Variants in TENM3 observed in about 807,000 individuals in gnomAD.
The protein encoded by TENM3 is teneurin-3.
A neutral mutation model predicts 255.1 loss-of-function variants in TENM3; 63 were observed. The observed-to-expected ratio is 0.25, with a 90% CI of 0.20 to 0.30. TENM3 has a LOEUF of 0.30. Among genes scored for constraint, TENM3 ranks in the 10% least tolerant of loss-of-function variants. The probability of loss-of-function intolerance (pLI) is 1.00; values close to 1 mark genes in which losing one functional copy is unlikely to be tolerated. For synonymous variants in TENM3, 1,306 were observed against 1,322.3 expected (o/e 0.99, Z 0.27); for missense variants, 2,929 against 3,461.1 (o/e 0.85, Z 3.86).
At chr4:182,214,298 A>C (rs1755287629) in intron 1 of TENM3, among the ~76,000 whole-genome samples, 1 of 152,142 alleles carries the variant, frequency 6.6e-6, no homozygotes, top group African/African-American at 2.4e-5. Flanking sequence ...AAAGCGAAAT[A>C]AATTTAACTG....
chr4:181,551,052 G>T, the TENM3 span, among the ~76,000 whole-genome samples: 1 of 152,110 alleles, frequency 6.6e-6, no homozygotes, highest in Non-Finnish European at 1.5e-5. Context: ...CACCTTGATG[G>T]ATTTTACAAC....
Position 182,264,827 on chromosome 4 carries a change from G to A in TENM3, c.-76+21351G>A, listed in dbSNP as rs186664880. 2.6e-5 allele frequency among the ~76,000 whole-genome samples: 4 copies of A among 152,096 alleles called. No individual in the cohort carries two copies. The East Asian group carries it at 7.7e-4, about 29-fold the overall frequency. ...GGATTTCTTTTTTAAAGAGCACTAT[G>A]GTTAAAAGTCAGCTTAATTAGAAGT... On this transcript the variant is annotated intron_variant, in intron 1 of 27. Transcript: ENST00000511685.
At chr4:181,556,631 C>T in the TENM3 span, among the ~76,000 whole-genome samples, 1 of 152,000 alleles carries the variant, frequency 6.6e-6, no homozygotes, top group Non-Finnish European at 1.5e-5. Context: ...ATAAAGATAA[C>T]CAATGTGAAC....
the TENM3 span, among the ~76,000 whole-genome samples, chr4:181,843,524 G>A: frequency 1.3e-4 from 20 of 152,262 alleles, no homozygotes; most frequent in East Asian, 3.7e-3. Flanking sequence ...CACAGTAAGT[G>A]TTGTCTGCAG....
chr4:182,203,974 G>A (rs1227837341), intron 1 of TENM3, among the ~76,000 whole-genome samples: 1 of 152,188 alleles, frequency 6.6e-6, no homozygotes, highest in Non-Finnish European at 1.5e-5. Flanking sequence ...ACATGGATTC[G>A]AGAAGGGAGG....
At chr4:181,868,133 C>T in the TENM3 span, among the ~76,000 whole-genome samples, 4 of 152,078 alleles carry the variant, frequency 2.6e-5, no homozygotes, top group African/African-American at 9.6e-5. Context: ...ACCATAAGTG[C>T]ACAGCTTGAT....
chr4:181,635,213 A>G, the TENM3 span, among the ~76,000 whole-genome samples: 1 of 152,180 alleles, frequency 6.6e-6, no homozygotes, highest in African/African-American at 2.4e-5. Flanking sequence ...TTCGTGACCT[A>G]AATTTTTTAT....
chr4:182,652,777 G>A (rs533012981), intron 5 of TENM3, among the ~76,000 whole-genome samples: 2 of 151,920 alleles, frequency 1.3e-5, no homozygotes, highest in South Asian at 2.1e-4. Context: ...GTAAAATAAT[G>A]TCTAAAAATA....
chr4:182,380,400 G>C (rs1767484931), intron 3 of TENM3, among the ~76,000 whole-genome samples: 1 of 152,198 alleles, frequency 6.6e-6, no homozygotes, highest in African/African-American at 2.4e-5. Flanking sequence ...CATGAGACCA[G>C]AAACTCCATG....
the TENM3 span, among the ~76,000 whole-genome samples, chr4:181,655,995 G>A: frequency 1.3e-5 from 2 of 152,174 alleles, no homozygotes; most frequent in Non-Finnish European, 2.9e-5. Context: ...GTGCATTTGA[G>A]GAGGCTCTGC....
At chr4:182,008,671 G>C in the TENM3 span, among the ~76,000 whole-genome samples, 1 of 151,946 alleles carries the variant, frequency 6.6e-6, no homozygotes, top group African/African-American at 2.4e-5. Context: ...GGTTGAACAT[G>C]CTCCTTTAAC....
intron 24 of TENM3, among the ~76,000 whole-genome samples, chr4:182,777,547 C>CTTTTTTTTTTTTTTTTTTTTTT (rs1157448732): frequency 2.2e-5 from 1 of 45,468 alleles, no homozygotes; most frequent in Non-Finnish European, 4.0e-5. Flanking sequence ...GTGTGTATTT[C>CTTTTTTTTTTTTTTTTTTTTTT]TTTTTTTTTT....
At chr4:182,689,359 G>A (rs989780755) in intron 12 of TENM3, among the ~76,000 whole-genome samples, 1 of 152,132 alleles carries the variant, frequency 6.6e-6, no homozygotes, top group Non-Finnish European at 1.5e-5. Flanking sequence ...ACAGGATTTG[G>A]TTAGCCGGGA....
the TENM3 span, among the ~76,000 whole-genome samples, chr4:181,934,098 TAAAC>T: frequency 2.0e-5 from 3 of 151,534 alleles, no homozygotes; most frequent in Admixed American, 6.6e-5. Flanking sequence ...AAATCACACT[TAAAC>T]ATACATAGGA....
At chr4:182,259,315 T>C (rs1347153913) in intron 1 of TENM3, among the ~76,000 whole-genome samples, 7 of 152,182 alleles carry the variant, frequency 4.6e-5, no homozygotes, top group Non-Finnish European at 7.3e-5. Context: ...TCCTTTATTA[T>C]GTATTTATTT....
the TENM3 span, among the ~76,000 whole-genome samples, chr4:181,563,165 G>T: frequency 5.9e-5 from 9 of 152,212 alleles, no homozygotes; most frequent in African/African-American, 2.2e-4. Flanking sequence ...CAGTTTTGGG[G>T]AGTAGAAGTC....
chr4:181,841,868 C>T, the TENM3 span, among the ~76,000 whole-genome samples: 1 of 152,082 alleles, frequency 6.6e-6, no homozygotes, highest in Non-Finnish European at 1.5e-5. Flanking sequence ...AAAATAAGGC[C>T]CCTTGAATGT....
intron 4 of TENM3, among the ~76,000 whole-genome samples, chr4:182,627,051 ACC>A (rs1158286641): frequency 6.6e-6 from 1 of 152,162 alleles, no homozygotes; most frequent in African/African-American, 2.4e-5. Flanking sequence ...CATGACTTTT[ACC>A]GTATCTGTAG....
intron 3 of TENM3, among the ~76,000 whole-genome samples, chr4:182,370,703 A>G (rs1361491700): frequency 1.3e-5 from 2 of 152,156 alleles, no homozygotes; most frequent in African/African-American, 2.4e-5. Flanking sequence ...TTGAGATACT[A>G]CAGGCTCTTA....
Sources: allele counts gnomAD v4.1 joint callset (sites outside exome capture counted in the v4.1 genomes callset), GRCh38; gene constraint gnomAD v4.1.1; transcripts MANE v1.5; gene names NCBI Gene and HGNC (gene_info 2026-07-23, HGNC 2026-07-21).